The following MBNL1 variants were observed in gnomAD, a reference collection of about 807,000 sequenced individuals.
The protein encoded by MBNL1 is muscleblind like splicing regulator 1.
A neutral mutation model predicts 42.2 loss-of-function variants in MBNL1; 8 were observed. The observed-to-expected ratio is 0.19, with a 90% confidence interval of 0.11 to 0.34. MBNL1 has a LOEUF of 0.34. Ranked by LOEUF, MBNL1 falls within the 10% of genes least tolerant of loss-of-function variation. The pLI is 1.00. For missense variants in MBNL1, 309 were observed against 495.3 expected, an observed-to-expected ratio of 0.62 and a Z score of 3.57; for synonymous variants, 169 against 173.9, an observed-to-expected ratio of 0.97 and a Z score of 0.22.
intron 4 of MBNL1, among the ~76,000 whole-genome samples, chr3:152,433,941 G>A (rs1277601808): frequency 6.6e-6 from 1 of 152,164 alleles, no homozygotes; most frequent in Non-Finnish European, 1.5e-5. Flanking sequence ...TAGAGAAAAA[G>A]TGACAGCATC....
At chr3:152,329,491 G>GA (rs143390772) in intron 2 of MBNL1, among the ~76,000 whole-genome samples, 6,861 of 150,220 alleles carry the variant, frequency 0.046, 546 homozygotes, top group East Asian at 0.31. Context: ...GAAAAGAAAA[G>GA]AAAAAAAATT....
At chr3:152,375,941 C>T (rs2096879270) in intron 2 of MBNL1, among the ~76,000 whole-genome samples, 1 of 151,996 alleles carries the variant, frequency 6.6e-6, no homozygotes, top group Admixed American at 6.6e-5. Context: ...AATTAAACAA[C>T]AGTATTAACC....
chr3:152,349,021 T>C (rs1269915618), intron 2 of MBNL1, among the ~76,000 whole-genome samples: 1 of 152,012 alleles, frequency 6.6e-6, no homozygotes, highest in African/African-American at 2.4e-5. Flanking sequence ...GGGAACAGAA[T>C]GCATGGTTAC....
intron 2 of MBNL1, among the ~76,000 whole-genome samples, chr3:152,260,902 C>T (rs1576810480): frequency 1.3e-5 from 2 of 152,206 alleles, no homozygotes; most frequent in Admixed American, 6.5e-5. Flanking sequence ...CTAGTCCTAA[C>T]TCCCTCATTT....
intron 8 of MBNL1, 79 bp from the exon 9 acceptor site, chr3:152,459,192 T>G (rs1740014112): frequency 2.8e-6 from 2 of 714,546 alleles, no homozygotes; most frequent in African/African-American, 1.8e-5. Context: ...CTTTAAAAAT[T>G]TAATATTAAA....
chr3:152,249,488 G>A (rs1318100692), intron 2 of MBNL1, among the ~76,000 whole-genome samples: 1 of 104,254 alleles, frequency 9.6e-6, no homozygotes, highest in Non-Finnish European at 2.2e-5. Context: ...TTGTAAATTT[G>A]TTTGAGTTCA....
intron 1 of MBNL1, among the ~76,000 whole-genome samples, chr3:152,280,571 A>C (rs145756819): frequency 3.9e-5 from 6 of 152,298 alleles, no homozygotes; most frequent in African/African-American, 1.4e-4. Context: ...GATTGGAAGC[A>C]GGTTAAAACA....
intron 3 of MBNL1, among the ~76,000 whole-genome samples, chr3:152,415,606 A>T (rs2098686968): frequency 1.3e-5 from 2 of 152,222 alleles, no homozygotes; most frequent in Admixed American, 6.5e-5. Flanking sequence ...AAATTATTTC[A>T]TAGCTACAAA....
At chr3:152,285,894 G>A (rs2051395395) in intron 1 of MBNL1, among the ~76,000 whole-genome samples, 1 of 151,284 alleles carries the variant, frequency 6.6e-6, no homozygotes, top group African/African-American at 2.4e-5. Flanking sequence ...AAAGTGCTGC[G>A]ATTATAGGTA....
intron 2 of MBNL1, among the ~76,000 whole-genome samples, chr3:152,309,400 T>C (rs2065095076): frequency 6.6e-6 from 1 of 152,202 alleles, no homozygotes; most frequent in Non-Finnish European, 1.5e-5. Flanking sequence ...AATATGAGGT[T>C]GAGATCCAAG....
intron 2 of MBNL1, among the ~76,000 whole-genome samples, chr3:152,399,547 C>G (rs185102836): frequency 2.0e-5 from 3 of 151,756 alleles, no homozygotes; most frequent in Admixed American, 2.0e-4. Context: ...GGCTTTTGCT[C>G]TGTCACCCAG....
chr3:152,349,861 A>G (rs1038123059), intron 2 of MBNL1, among the ~76,000 whole-genome samples: 3 of 152,124 alleles, frequency 2.0e-5, no homozygotes, highest in African/African-American at 7.2e-5. Context: ...TGAGATTTAT[A>G]GTTGGGATGA....
At chr3:152,460,252 C>CAA (rs35913796) in intron 9 of MBNL1, among the ~76,000 whole-genome samples, 24 of 133,580 alleles carry the variant, frequency 1.8e-4, no homozygotes, top group Middle Eastern at 7.6e-3. Flanking sequence ...AGACCTGTCT[C>CAA]AAAAAAAAAA....
chr3:152,246,446 T>C (rs958896466), intron 2 of MBNL1, among the ~76,000 whole-genome samples: 2 of 151,998 alleles, frequency 1.3e-5, no homozygotes, highest in African/African-American at 4.8e-5. Flanking sequence ...TTGTTCTCTC[T>C]TTGATAAAAT....
chr3:152,297,378 CTG>C, intron 1 of MBNL1, among the ~76,000 whole-genome samples: 1 of 139,116 alleles, frequency 7.2e-6, no homozygotes, highest in East Asian at 2.2e-4. Flanking sequence ...GAGTCTCACA[CTG>C]TCTTCCGGCC....
At chr3:152,354,857 C>G (rs1350631175) in intron 2 of MBNL1, among the ~76,000 whole-genome samples, 1 of 152,136 alleles carries the variant, frequency 6.6e-6, no homozygotes, top group East Asian at 1.9e-4. Flanking sequence ...GTATTTGCTT[C>G]TATAGAAATT....
intron 2 of MBNL1, among the ~76,000 whole-genome samples, chr3:152,250,688 G>A (rs1386278807): frequency 6.7e-6 from 1 of 150,258 alleles, no homozygotes; most frequent in Non-Finnish European, 1.5e-5. Flanking sequence ...GGGCATCCCT[G>A]TCTTGTGCCA....
chr3:152,263,386 A>G (rs2036631453), upstream of MBNL1: 1 of 152,306 alleles, frequency 6.6e-6, no homozygotes, highest in Non-Finnish European at 1.5e-5. Context: ...GTTGACTCCA[A>G]ATAATAAATA....
At chr3:152,278,393 C>T (rs542786442) in intron 1 of MBNL1, among the ~76,000 whole-genome samples, 2 of 152,158 alleles carry the variant, frequency 1.3e-5, no homozygotes, top group South Asian at 4.2e-4. Flanking sequence ...CAGGAGTAGT[C>T]TCTCTGAAGC....
Sources: allele counts gnomAD v4.1 joint callset (sites outside exome capture counted in the v4.1 genomes callset), GRCh38; gene constraint gnomAD v4.1.1; transcripts MANE v1.5; gene names NCBI Gene and HGNC (gene_info 2026-07-23, HGNC 2026-07-21).